CYLD: variants seen among roughly 807,000 people sequenced by gnomAD.
CYLD encodes ubiquitin carboxyl-terminal hydrolase CYLD.
In CYLD, 26 loss-of-function variants were observed where a neutral mutation model predicts 104.5. That is an observed-to-expected ratio of 0.25 (90% CI 0.18 to 0.35). The LOEUF is 0.35. Ranked by LOEUF, CYLD falls within the 10% of genes least tolerant of loss-of-function variation. The pLI is 1.00. For synonymous variants in CYLD, 385 were observed against 399.9 expected (o/e 0.96, Z 0.45); for missense variants, 703 against 1,136.1 (o/e 0.62, Z 5.48).
chr16:50,775,178 T>C lies in CYLD; in HGVS notation c.922+4T>C. Reference sequence around the variant, plus strand: ...TGCTGACACACAGCTTTATCAGGTATGACTCCTAAGTGTCGTGTTGGACTC... The same window carrying C: ...TGCTGACACACAGCTTTATCAGGTACGACTCCTAAGTGTCGTGTTGGACTC... On this transcript the variant is annotated splice_donor_region_variant and intron_variant, in intron 6 of 18. Transcript: ENST00000427738. The C allele has an allele frequency of 6.3e-7, 1 of 1,596,974 alleles. No homozygotes were observed. The highest frequency in any genetic ancestry group is 8.5e-7 in the Non-Finnish European group (1 of 1,178,010).
At chr16:50,787,386 C>T (rs1970956707) in intron 13 of CYLD, 2 of 265,328 alleles carry the variant, frequency 7.5e-6, no homozygotes, top group Middle Eastern at 1.4e-3. Flanking sequence ...TGGGCTTACT[C>T]AAAGATTCAC....
intron 7 of CYLD, among the ~76,000 whole-genome samples, chr16:50,777,411 A>G (rs1354088018): frequency 6.6e-6 from 1 of 152,230 alleles, no homozygotes; most frequent in Non-Finnish European, 1.5e-5. Context: ...ATTGATTTAT[A>G]TATAGAATTT....
chr16:50,781,274 G>A lies in CYLD; in HGVS notation c.1547G>A (p.Gly516Glu). ...GATGAGTGTGCAGGCTGTACGGATG[G>A]AACCTTCAGAGGCACTCGGTATTTC... ...LEDECAGCTD[G>E]TFRGTRYFTC... The change falls in exon 10 of 19, where the codon GGA becomes GAA. Residue 516 changes from glycine (G) to glutamate (E), a missense_variant. Gly to Glu is a moderately conservative substitution (Grantham distance 98). Transcript: ENST00000427738. 6.2e-7 allele frequency: 1 copy of A among 1,613,960 alleles called. No homozygotes were observed. The highest frequency in any genetic ancestry group is 8.5e-7 in the Non-Finnish European group (1 of 1,179,870).
intron 5 of CYLD, among the ~76,000 whole-genome samples, chr16:50,767,480 T>A (rs1968641751): frequency 2.0e-5 from 3 of 151,258 alleles, no homozygotes; most frequent in Non-Finnish European, 2.9e-5. Flanking sequence ...TTTTTTTTTT[T>A]AATTTCCATA....
At chr16:50,746,909 T>C (rs75387590) in intron 2 of CYLD, among the ~76,000 whole-genome samples, 1,670 of 152,256 alleles carry the variant, frequency 0.011, 37 homozygotes, top group African/African-American at 0.038. Flanking sequence ...ACAGGACCAA[T>C]AGAGTAGGAG....
chr16:50,789,465 G>T (rs1327403107), intron 14 of CYLD, among the ~76,000 whole-genome samples: 2 of 152,166 alleles, frequency 1.3e-5, no homozygotes, highest in Admixed American at 6.5e-5. Context: ...CTCAGAGTGG[G>T]TAGGGAGGGA....
chr16:50,755,121 G>A (rs141332868), intron 5 of CYLD, among the ~76,000 whole-genome samples: 1,437 of 32,696 alleles, frequency 0.044, 27 homozygotes, highest in Non-Finnish European at 0.061. Flanking sequence ...ATATACACAT[G>A]TGTATATATA....
rs779556463 is a variant in CYLD, at chr16:50,749,812, C to T, written c.114C>T (p.Leu38=). 6.2e-6 allele frequency: 10 copies of T among 1,613,814 alleles called. No individual in the cohort carries two copies. In the South Asian group the frequency reaches 1.1e-4, roughly 18 times the overall value. The change falls in exon 3 of 19, where the codon CTC becomes CTT. Residue 38 remains leucine, a synonymous_variant. Transcript: ENST00000427738. ...CSVTDKQTQK[L]LKVPKGSIGQ... ...TTACAGACAAACAAACACAAAAGCT[C>T]CTTAAAGTACCGAAGGGAAGTATAG...
At chr16:50,783,693 C>T (rs902990088) in intron 11 of CYLD, among the ~76,000 whole-genome samples, 2 of 152,032 alleles carry the variant, frequency 1.3e-5, no homozygotes, top group Admixed American at 1.3e-4. Context: ...TGCACTCCAT[C>T]ATGCCTGGCT....
Position 50,781,668 on chromosome 16 carries a change from G to C in CYLD, c.1684+257G>C, listed in dbSNP as rs140418506. 4.6e-5 allele frequency among the ~76,000 whole-genome samples: 7 copies of C among 152,134 alleles called. No individual in the cohort carries two copies. In the East Asian group the frequency reaches 1.2e-3, roughly 25 times the overall value. On this transcript the variant is annotated intron_variant, in intron 10 of 18. Coordinates refer to ENST00000427738, the MANE Select transcript of CYLD (RefSeq NM_001378743.1). ...GGTTTGTTTTTCTCTTCCTGTTGAT[G>C]ACAGACATTTAGTTTTCAGCAATAC...
In CYLD at chr16:50,800,301, G is replaced by A. The variant is rs1464580963; in HGVS notation, c.*3793G>A. 1 of 233,274 alleles carries A rather than the reference G, an allele frequency of 4.3e-6. No homozygotes were observed. The highest frequency in any genetic ancestry group is 5.6e-5 in the Admixed American group (1 of 17,788). 14.5% of individuals were successfully genotyped at this position (233,274 alleles called of 1,614,324 possible). The stretch of plus-strand genomic sequence containing the variant: ...AATCCCCAGGGGAATCTCGTGACCA[G>A]CCAGGTGTGAAATCTGCTAACTGGA... On this transcript the variant is annotated 3_prime_UTR_variant, in exon 19 of 19. Transcript: ENST00000427738.
rs1200207050 is a variant in CYLD, at chr16:50,801,509, G to T, written c.*5001G>T. On this transcript the variant is annotated 3_prime_UTR_variant, in exon 19 of 19. Transcript: ENST00000427738. ...ACTTTAACTTAAAAAATTCTAGAGG[G>T]ATTATATTGGAGACTCAACTGCCCT... 1 of 233,650 alleles carries T rather than the reference G, an allele frequency of 4.3e-6. No individual in the cohort carries two copies. Among genetic ancestry groups the T allele is most frequent in the Admixed American group, 5.6e-5 (1 of 17,778 alleles). The allele number at this position is 233,650 out of a possible 1,614,324, so 14.5% of individuals were successfully genotyped here.
intron 3 of CYLD, among the ~76,000 whole-genome samples, chr16:50,751,152 A>G (rs760432804): frequency 6.6e-6 from 1 of 152,222 alleles, no homozygotes; most frequent in East Asian, 1.9e-4. Flanking sequence ...TAACAAAGCT[A>G]CTTAACTTCT....
intron 9 of CYLD, 33 bp downstream of exon 9, chr16:50,780,077 T>C (rs1034651663): frequency 3.1e-6 from 5 of 1,612,582 alleles, no homozygotes; most frequent in Non-Finnish European, 4.2e-6. Context: ...TTTCAATTTT[T>C]TTCTCTGTGA....
chr16:50,749,054 T>C (rs571701544), intron 2 of CYLD, among the ~76,000 whole-genome samples: 1 of 152,150 alleles, frequency 6.6e-6, no homozygotes, highest in South Asian at 2.1e-4. Context: ...ATAGAAAGCT[T>C]AGCTGTGTGT....
intron 5 of CYLD, among the ~76,000 whole-genome samples, chr16:50,764,782 C>G (rs1355796320): frequency 6.6e-6 from 1 of 152,134 alleles, no homozygotes; most frequent in Non-Finnish European, 1.5e-5. Flanking sequence ...CTACTGGCCT[C>G]TAATGCATGG....
At chr16:50,766,618 A>T (rs1297435893) in intron 5 of CYLD, among the ~76,000 whole-genome samples, 1 of 152,244 alleles carries the variant, frequency 6.6e-6, no homozygotes, top group South Asian at 2.1e-4. Context: ...AGGATTCACC[A>T]TTCTAGATGC....
In CYLD at chr16:50,800,990, C is replaced by T. The variant is rs1420166511; in HGVS notation, c.*4482C>T. On this transcript the variant is annotated 3_prime_UTR_variant, in exon 19 of 19. Transcript: ENST00000427738. ...GATGTGTGTGGGGCCTTATGAAGACCAGGATTCTGCGGGTGTCAGGGGATT... is the reference window on the plus strand; with the variant it reads ...GATGTGTGTGGGGCCTTATGAAGACTAGGATTCTGCGGGTGTCAGGGGATT... 2 of 233,322 alleles carry T rather than the reference C, an allele frequency of 8.6e-6. No individual in the cohort carries two copies. 14.5% of individuals were successfully genotyped at this position (233,322 alleles called of 1,614,324 possible). A position where few individuals can be genotyped will look rare whatever the true frequency, so the allele number is the denominator to read the frequency against.
Position 50,801,298 on chromosome 16 carries a change from G to T in CYLD, c.*4790G>T. The T allele has an allele frequency of 4.3e-6, 1 of 233,480 alleles. No homozygotes were observed. Among genetic ancestry groups the T allele is most frequent in the Non-Finnish European group, 8.5e-6 (1 of 118,078 alleles). The allele number at this position is 233,480 out of a possible 1,614,324, so 14.5% of individuals were successfully genotyped here. On this transcript the variant is annotated 3_prime_UTR_variant, in exon 19 of 19. Transcript: ENST00000427738. ...AGCATCCAGCAGTCTCTGTAGCCAG[G>T]TTACTCAAGAACCACATTTGATTTC...
Sources: gnomAD v4.1 joint callset for allele counts (sites outside exome capture counted in the v4.1 genomes callset) on GRCh38, gnomAD v4.1.1 for gene constraint, MANE v1.5 for transcripts, NCBI Gene and HGNC (gene_info 2026-07-23, HGNC 2026-07-21) for gene names.